The following PCDHA2 variants were observed in gnomAD, a reference collection of about 807,000 sequenced individuals.
PCDHA2 encodes the protein protocadherin alpha 2.
In PCDHA2, 58 loss-of-function variants were observed where a neutral mutation model predicts 66.0. The ratio of observed to expected loss-of-function variants is 0.88; its 90% CI spans 0.71 to 1.09. The LOEUF is 1.09. Among genes scored for constraint, PCDHA2 ranks in the 50% least tolerant of loss-of-function variants. PCDHA2 has a pLI of 0.00. For synonymous variants in PCDHA2, 634 were observed against 554.0 expected (o/e 1.14, Z -2.03); for missense variants, 1,267 against 1,242.3 (o/e 1.02, Z -0.30).
At chr5:140,961,997 C>T (rs1160116142) in intron 1 of PCDHA2, among the ~76,000 whole-genome samples, 1 of 152,080 alleles carries the variant, frequency 6.6e-6, no homozygotes, top group South Asian at 2.1e-4. Context: ...CATTGTCCTG[C>T]CTCAGCTTCC....
chr5:140,988,024 A>G (rs2153870091), intron 3 of PCDHA2, among the ~76,000 whole-genome samples: 1 of 152,316 alleles, frequency 6.6e-6, no homozygotes, highest in East Asian at 1.9e-4. Flanking sequence ...ATGATTCTTA[A>G]GTTTTTTAGA....
chr5:140,801,484 G>A, intron 1 of PCDHA2: 1 of 1,614,138 alleles, frequency 6.2e-7, no homozygotes, highest in South Asian at 1.1e-5. Flanking sequence ...GAGGAACTGT[G>A]CGGGCGGAGC....
intron 1 of PCDHA2, chr5:140,801,601 T>A: frequency 6.2e-7 from 1 of 1,614,168 alleles, no homozygotes; most frequent in Non-Finnish European, 8.5e-7. Context: ...GTTTTTCCAA[T>A]GGCTGTAAAG....
intron 1 of PCDHA2, chr5:140,882,457 G>C: frequency 1.2e-6 from 2 of 1,614,056 alleles, no homozygotes; most frequent in Non-Finnish European, 1.7e-6. Context: ...TGCCGCGCCT[G>C]TTCCGGGTGG....
intron 1 of PCDHA2, among the ~76,000 whole-genome samples, chr5:140,922,848 C>T (rs1345344826): frequency 2.6e-5 from 4 of 151,962 alleles, no homozygotes; most frequent in African/African-American, 9.7e-5. Flanking sequence ...TCAAAGAGAC[C>T]AAATACATAG....
intron 1 of PCDHA2, among the ~76,000 whole-genome samples, chr5:140,942,323 T>C (rs1489572732): frequency 6.6e-6 from 1 of 151,970 alleles, no homozygotes; most frequent in Non-Finnish European, 1.5e-5. Flanking sequence ...GGCACAAGAA[T>C]CACTTGAACC....
chr5:140,886,373 G>A (rs2060960480), intron 1 of PCDHA2, among the ~76,000 whole-genome samples: 2 of 152,042 alleles, frequency 1.3e-5, no homozygotes. Context: ...ACATGCCATG[G>A]TGTGCTTATC....
rs2041332150 is a variant in PCDHA2, at chr5:140,850,080, G to T, written c.2388+52728G>T. 56 of 1,596,464 alleles carry T rather than the reference G, an allele frequency of 3.5e-5. 4 individuals are homozygous for T. Among genetic ancestry groups the T allele is most frequent in the Non-Finnish European group, 4.6e-5 (54 of 1,167,848 alleles). ...GCAGCCGTTGGACCACGAGGAGCTG[G>T]AGCTGCTACAGTTCCAGGTGAGCGC... On this transcript the variant is annotated intron_variant, in intron 1 of 3. Coordinates refer to ENST00000526136, the MANE Select transcript of PCDHA2 (RefSeq NM_018905.3).
chr5:140,795,056 TC>T lies in PCDHA2; in HGVS notation c.94del (p.Arg32AlafsTer46), dbSNP rs1554119234. The T allele has an allele frequency of 6.2e-7, 1 of 1,613,742 alleles. No homozygotes were observed. Among genetic ancestry groups the T allele is most frequent in the South Asian group, 1.1e-5 (1 of 91,080 alleles). On this transcript the variant is annotated frameshift_variant, in exon 1 of 4. Transcript: ENST00000526136. LOFTEE classifies it high-confidence loss of function. ...GCCTGGGAGGTGGGGAGCGGCCAGC[TC>T]CGCTACTCCGTCCCCGAGGAGGCCA... ...LAAWEVGSGQ[L>X]RYSVPEEAKH... is the part of the protein sequence containing the mutation.
At chr5:140,881,623 A>G (rs1179461885) in intron 1 of PCDHA2, among the ~76,000 whole-genome samples, 1 of 152,188 alleles carries the variant, frequency 6.6e-6, no homozygotes, top group East Asian at 1.9e-4. Flanking sequence ...TCAAAATCTG[A>G]TATATCAGTT....
chr5:140,880,365 C>A (rs1462418898), intron 1 of PCDHA2, among the ~76,000 whole-genome samples: 1 of 151,976 alleles, frequency 6.6e-6, no homozygotes, highest in Non-Finnish European at 1.5e-5. Flanking sequence ...TAGATGAAAA[C>A]CATGAGAGAA....
In PCDHA2 at chr5:140,796,301, C is replaced by G; in HGVS notation, c.1337C>G (p.Ala446Gly). The G allele has an allele frequency of 6.2e-7, 1 of 1,614,120 alleles. No homozygotes were observed. The highest frequency in any genetic ancestry group is 8.5e-7 in the Non-Finnish European group (1 of 1,180,034). The change falls in exon 1 of 4, where the codon GCC (alanine) becomes GGC (glycine). Residue 446 changes from alanine (A) to glycine (G), a missense_variant. By Grantham distance (60) the Ala-to-Gly change is moderately conservative. Coordinates refer to ENST00000526136, the MANE Select transcript of PCDHA2 (RefSeq NM_018905.3). The stretch of plus-strand genomic sequence containing the variant: ...ACCACCAGCGTGTCCATCGAGGTGG[C>G]CGACGTGAACGACAACGCGCCGGCG... Reference protein sequence around the residue: ...WATTSVSIEVADVNDNAPAFA... With the variant: ...WATTSVSIEVGDVNDNAPAFA...
At chr5:140,829,072 T>G in intron 1 of PCDHA2, 2 of 1,612,584 alleles carry the variant, frequency 1.2e-6, no homozygotes, top group Non-Finnish European at 1.7e-6. Context: ...ACAAAGGCCA[T>G]CCTCCCATGG....
At chr5:140,859,918 G>A (rs2046091009) in intron 1 of PCDHA2, 1 of 151,762 alleles carries the variant, frequency 6.6e-6, no homozygotes, top group Admixed American at 6.6e-5. Flanking sequence ...TATATTATAA[G>A]TAATATAAAA....
At position 141,009,759 on chromosome 5, in the gene PCDHA2, G is replaced by T. The variant is rs200822345; in HGVS notation, c.2669G>T (p.Gly890Val). The change falls in exon 4 of 4, where the codon GGA becomes GTA. Residue 890 changes from glycine to valine, a missense_variant. By Grantham distance (109) the Gly-to-Val change is moderately radical. Transcript: ENST00000526136. ...GELPDKFIIP[G>V]SPAIISIRQE... ...TTGCCCGACAAATTCATTATCCCAG[G>T]ATCTCCTGCAATCATCTCCATCCGG... The T allele has an allele frequency of 6.7e-5, 108 of 1,614,082 alleles. 1 individual carries two copies. The East Asian group carries it at 2.2e-3, about 33-fold the overall frequency.
chr5:140,858,727 G>A (rs2045572985), intron 1 of PCDHA2: 2 of 482,238 alleles, frequency 4.1e-6, no homozygotes, highest in Non-Finnish European at 3.7e-6. Context: ...CAGTTCTGAC[G>A]ATTTACTTTC....
At chr5:140,971,843 G>A (rs1250084892) in intron 1 of PCDHA2, among the ~76,000 whole-genome samples, 2 of 151,906 alleles carry the variant, frequency 1.3e-5, no homozygotes, top group African/African-American at 4.8e-5. Flanking sequence ...TGCAAGTCAT[G>A]CGTTAAATAT....
chr5:140,953,101 T>C (rs1297450101), intron 1 of PCDHA2, among the ~76,000 whole-genome samples: 1 of 152,130 alleles, frequency 6.6e-6, no homozygotes, highest in Non-Finnish European at 1.5e-5. Context: ...TGACATGAGA[T>C]TTGGGCAGGG....
chr5:140,966,502 GGCA>G (rs2096011406), intron 1 of PCDHA2: 14 of 433,816 alleles, frequency 3.2e-5, no homozygotes, highest in South Asian at 2.3e-4. Context: ...GAGCTGTAGC[GGCA>G]GCAGCAGCAG....
Sources: allele counts gnomAD v4.1 joint callset (sites outside exome capture counted in the v4.1 genomes callset), GRCh38; gene constraint gnomAD v4.1.1; transcripts MANE v1.5; gene names NCBI Gene and HGNC (gene_info 2026-07-23, HGNC 2026-07-21).